Variants in BMP6 observed in about 807,000 individuals in gnomAD.
BMP6 encodes VG-1-R.
In BMP6, 17 loss-of-function variants were observed where a neutral mutation model predicts 54.1. The ratio of observed to expected loss-of-function variants is 0.31; its 90% confidence interval spans 0.22 to 0.47. The LOEUF is 0.47. Ranked by LOEUF, BMP6 falls within the 20% of genes least tolerant of loss-of-function variation. The probability of loss-of-function intolerance (pLI) is 1.00; values close to 1 mark genes in which losing one functional copy is unlikely to be tolerated. For missense variants in BMP6, 720 were observed against 690.4 expected, an observed-to-expected ratio of 1.04 and a Z score of -0.48; for synonymous variants, 328 against 291.2, an observed-to-expected ratio of 1.13 and a Z score of -1.28.
At chr6:7,765,517 A>G (rs1168860417) in intron 1 of BMP6, among the ~76,000 whole-genome samples, 2 of 152,224 alleles carry the variant, frequency 1.3e-5, no homozygotes, top group Non-Finnish European at 2.9e-5. Flanking sequence ...TGTATCAAAA[A>G]CACACATTAA....
intron 1 of BMP6, among the ~76,000 whole-genome samples, chr6:7,819,451 T>C (rs1250736413): frequency 6.6e-6 from 1 of 152,190 alleles, no homozygotes; most frequent in Non-Finnish European, 1.5e-5. Context: ...CAGTATTTTT[T>C]TTTACTATCA....
At chr6:7,789,680 CT>C (rs1758066840) in intron 1 of BMP6, among the ~76,000 whole-genome samples, 1 of 152,160 alleles carries the variant, frequency 6.6e-6, no homozygotes, top group African/African-American at 2.4e-5. Context: ...GTCTTGACGG[CT>C]TCCTTTCTGG....
intron 1 of BMP6, among the ~76,000 whole-genome samples, chr6:7,728,371 G>C (rs2113097998): frequency 6.6e-6 from 1 of 152,346 alleles, no homozygotes; most frequent in South Asian, 2.1e-4. Context: ...GAAAGGGTGC[G>C]GGGTAGGGGC....
chr6:7,748,688 C>T (rs552885805), intron 1 of BMP6, among the ~76,000 whole-genome samples: 5 of 152,230 alleles, frequency 3.3e-5, no homozygotes, highest in African/African-American at 1.2e-4. Flanking sequence ...GAGATGTTTC[C>T]CATTATTAAG....
intron 4 of BMP6, among the ~76,000 whole-genome samples, chr6:7,868,042 A>C (rs1216813718): frequency 1.3e-5 from 2 of 152,208 alleles, no homozygotes; most frequent in African/African-American, 4.8e-5. Context: ...TCAGTCTAGG[A>C]AGTGGCAGAG....
chr6:7,848,545 A>T (rs1037589935), intron 2 of BMP6, among the ~76,000 whole-genome samples: 1 of 151,848 alleles, frequency 6.6e-6, no homozygotes, highest in African/African-American at 2.4e-5. Context: ...GTACCCTAAA[A>T]ACTCTAGCCT....
chr6:7,840,762 A>C (rs1758956037), intron 1 of BMP6, among the ~76,000 whole-genome samples: 1 of 152,188 alleles, frequency 6.6e-6, no homozygotes, highest in Admixed American at 6.5e-5. Flanking sequence ...GTGTAAGGTC[A>C]TTATCATTTC....
At chr6:7,844,516 C>G (rs914221792) in intron 1 of BMP6, among the ~76,000 whole-genome samples, 1 of 152,092 alleles carries the variant, frequency 6.6e-6, no homozygotes, top group Non-Finnish European at 1.5e-5. Context: ...CAGGTTCTAC[C>G]AGTAGGAGGA....
chr6:7,730,722 T>A (rs1386497219), intron 1 of BMP6, among the ~76,000 whole-genome samples: 8 of 152,212 alleles, frequency 5.3e-5, no homozygotes, highest in Non-Finnish European at 2.9e-5. Flanking sequence ...TGTTGGATTC[T>A]CTATATAGGG....
At chr6:7,857,316 G>A (rs1176770065) in intron 2 of BMP6, among the ~76,000 whole-genome samples, 2 of 152,204 alleles carry the variant, frequency 1.3e-5, no homozygotes, top group East Asian at 1.9e-4. Context: ...TGACCACAAT[G>A]TGAGGAATAT....
At chr6:7,729,609 GCAT>G (rs1386090187) in intron 1 of BMP6, among the ~76,000 whole-genome samples, 1 of 152,150 alleles carries the variant, frequency 6.6e-6, no homozygotes, top group Non-Finnish European at 1.5e-5. Context: ...TGGGGCACAG[GCAT>G]CATTTTTTTT....
intron 1 of BMP6, among the ~76,000 whole-genome samples, chr6:7,809,530 G>A (rs1758405369): frequency 6.6e-6 from 1 of 152,096 alleles, no homozygotes; most frequent in Non-Finnish European, 1.5e-5. Flanking sequence ...AGGCGGAAAA[G>A]GATGAAATGC....
intron 1 of BMP6, among the ~76,000 whole-genome samples, chr6:7,797,699 A>T (rs1758211213): frequency 6.6e-6 from 1 of 152,192 alleles, no homozygotes; most frequent in Admixed American, 6.5e-5. Context: ...CATGAGTAGT[A>T]AGTTCCATGT....
At chr6:7,732,126 A>G (rs1761871260) in intron 1 of BMP6, among the ~76,000 whole-genome samples, 1 of 152,212 alleles carries the variant, frequency 6.6e-6, no homozygotes, top group South Asian at 2.1e-4. Flanking sequence ...TCTCCTAAAC[A>G]TAGCATCAGT....
At chr6:7,792,897 CA>C (rs1350536459) in intron 1 of BMP6, among the ~76,000 whole-genome samples, 1 of 152,232 alleles carries the variant, frequency 6.6e-6, no homozygotes, top group East Asian at 1.9e-4. Flanking sequence ...GGTCTAGTAA[CA>C]TAAACTAACT....
chr6:7,785,726 C>T (rs1242936419), intron 1 of BMP6, among the ~76,000 whole-genome samples: 3 of 152,168 alleles, frequency 2.0e-5, no homozygotes, highest in Non-Finnish European at 2.9e-5. Context: ...AGGGAGAGGA[C>T]ATGGCTGAAA....
At chr6:7,775,278 G>T (rs564707740) in intron 1 of BMP6, among the ~76,000 whole-genome samples, 1 of 152,294 alleles carries the variant, frequency 6.6e-6, no homozygotes, top group East Asian at 1.9e-4. Context: ...TGGCTAAGCT[G>T]GAGATCTCTA....
At chr6:7,760,323 G>A (rs933828499) in intron 1 of BMP6, among the ~76,000 whole-genome samples, 3 of 152,070 alleles carry the variant, frequency 2.0e-5, no homozygotes, top group Non-Finnish European at 4.4e-5. Context: ...AAATACCTTT[G>A]TCAGTCTGCA....
At chr6:7,779,061 T>A (rs1757902449) in intron 1 of BMP6, among the ~76,000 whole-genome samples, 1 of 152,238 alleles carries the variant, frequency 6.6e-6, no homozygotes, top group Non-Finnish European at 1.5e-5. Flanking sequence ...CATACAACTG[T>A]GCCTTTCGGG....
Sources: gnomAD v4.1 joint callset for allele counts (sites outside exome capture counted in the v4.1 genomes callset) on GRCh38, gnomAD v4.1.1 for gene constraint, MANE v1.5 for transcripts, NCBI Gene and HGNC (gene_info 2026-07-23, HGNC 2026-07-21) for gene names.